The following ANKS1B variants were observed in gnomAD, a reference collection of about 807,000 sequenced individuals.
The protein encoded by ANKS1B is ankyrin repeat and sterile alpha motif domain-containing protein 1B.
In ANKS1B, 36 loss-of-function variants were observed where a neutral mutation model predicts 148.3. That is an observed-to-expected ratio of 0.24 (90% CI 0.19 to 0.32). The LOEUF is 0.32. ANKS1B is among the 10% of genes least tolerant of loss of function. The probability of loss-of-function intolerance (pLI) is 1.00; values close to 1 mark genes in which losing one functional copy is unlikely to be tolerated. For missense variants in ANKS1B, 1,157 were observed against 1,542.6 expected, an observed-to-expected ratio of 0.75 and a Z score of 4.19; for synonymous variants, 542 against 560.8, an observed-to-expected ratio of 0.97 and a Z score of 0.47.
Position 99,628,394 on chromosome 12 carries a change from T to TA in ANKS1B, c.1272+26672dup, listed in dbSNP as rs552146761. ...AAGAAATGTGTTTAAGTTAAACATC[T>TA]AAAAAAAATTTCTGTGAAATTTTGA... is the stretch of plus-strand genomic sequence containing the variant. On this transcript the variant is annotated intron_variant, in intron 9 of 26. Transcript: ENST00000683438. 3.3e-5 allele frequency among the ~76,000 whole-genome samples: 5 copies of TA among 152,176 alleles called. No individual in the cohort carries two copies. In the South Asian group the frequency reaches 1.0e-3, roughly 32 times the overall value.
chr12:99,438,163 A>G (rs1262763697), intron 11 of ANKS1B, among the ~76,000 whole-genome samples: 1 of 151,898 alleles, frequency 6.6e-6, no homozygotes, highest in Non-Finnish European at 1.5e-5. Flanking sequence ...TCTAAAGTAC[A>G]TGTGAGGAAA....
intron 8 of ANKS1B, among the ~76,000 whole-genome samples, chr12:99,685,600 A>G (rs2153491587): frequency 6.6e-6 from 1 of 152,288 alleles, no homozygotes; most frequent in East Asian, 1.9e-4. Context: ...GTGAAAAAGA[A>G]GTCATTATAT....
At chr12:99,021,118 A>G (rs987623255) in intron 17 of ANKS1B, among the ~76,000 whole-genome samples, 7 of 152,116 alleles carry the variant, frequency 4.6e-5, no homozygotes, top group Admixed American at 4.6e-4. Context: ...TGAAGGTAAG[A>G]AACGGTAAGA....
chr12:98,931,900 C>A (rs1403705574), intron 17 of ANKS1B, among the ~76,000 whole-genome samples: 2 of 152,138 alleles, frequency 1.3e-5, no homozygotes, highest in African/African-American at 4.8e-5. Flanking sequence ...ATTATACTTA[C>A]TCAGAGCCTT....
chr12:98,880,492 C>A (rs1386837597), intron 17 of ANKS1B, among the ~76,000 whole-genome samples: 2 of 152,042 alleles, frequency 1.3e-5, no homozygotes, highest in Non-Finnish European at 2.9e-5. Flanking sequence ...TCTGGCCGGG[C>A]ACGGTGGCTC....
intron 4 of ANKS1B, among the ~76,000 whole-genome samples, chr12:99,798,406 T>C (rs2153653260): frequency 7.2e-6 from 1 of 139,806 alleles, no homozygotes; most frequent in Admixed American, 7.5e-5. Context: ...CTTAGCCACG[T>C]GGGCACCTCT....
At chr12:99,709,457 G>T (rs970074181) in intron 8 of ANKS1B, among the ~76,000 whole-genome samples, 12 of 152,052 alleles carry the variant, frequency 7.9e-5, no homozygotes, top group Admixed American at 6.6e-4. Flanking sequence ...TATGTTTCAG[G>T]TACAGAGTTA....
intron 15 of ANKS1B, among the ~76,000 whole-genome samples, chr12:99,114,231 ATTGT>A (rs1288153207): frequency 6.6e-6 from 1 of 152,210 alleles, no homozygotes; most frequent in Non-Finnish European, 1.5e-5. Flanking sequence ...GTCTATGATG[ATTGT>A]TTAACCATGG....
At chr12:99,391,673 G>C (rs2094076243) in intron 12 of ANKS1B, among the ~76,000 whole-genome samples, 2 of 152,294 alleles carry the variant, frequency 1.3e-5, no homozygotes, top group East Asian at 3.9e-4. Context: ...CCATGCACTA[G>C]CTAACTAACA....
At chr12:99,960,720 T>C (rs1387817610) in intron 1 of ANKS1B, among the ~76,000 whole-genome samples, 1 of 152,194 alleles carries the variant, frequency 6.6e-6, no homozygotes, top group Non-Finnish European at 1.5e-5. Context: ...CCAAATGGGT[T>C]CCTCGCTAAT....
intron 15 of ANKS1B, among the ~76,000 whole-genome samples, chr12:99,116,457 A>G (rs2061444159): frequency 6.6e-6 from 1 of 152,326 alleles, no homozygotes; most frequent in South Asian, 2.1e-4. Context: ...ATTAACTAGT[A>G]CATATAAGGC....
intron 9 of ANKS1B, among the ~76,000 whole-genome samples, chr12:99,620,639 C>T (rs2098036271): frequency 6.6e-6 from 1 of 151,942 alleles, no homozygotes; most frequent in Non-Finnish European, 1.5e-5. Context: ...TTGACTCGAC[C>T]AAGCTGAAGA....
Position 99,937,015 on chromosome 12 carries a change from G to C in ANKS1B, c.134+47089C>G, listed in dbSNP as rs149814514. ...TTATGTTTCTGGACAACCACATATGGATACAGTATGGGACATCCCTTAACC... is the reference window on the plus strand; with the variant it reads ...TTATGTTTCTGGACAACCACATATGCATACAGTATGGGACATCCCTTAACC... On this transcript the variant is annotated intron_variant, in intron 1 of 26. Coordinates refer to ENST00000683438, the MANE Select transcript of ANKS1B (RefSeq NM_001352186.2). Among the ~76,000 whole-genome samples the C allele has an allele frequency of 3.4e-3, 516 of 152,208 alleles. 3 individuals carry two copies. The highest frequency in any genetic ancestry group is 0.011 in the African/African-American group (458 of 41,530).
intron 1 of ANKS1B, among the ~76,000 whole-genome samples, chr12:99,867,199 C>T (rs2090874720): frequency 6.6e-6 from 1 of 152,120 alleles, no homozygotes; most frequent in East Asian, 1.9e-4. Flanking sequence ...TGCTATTCTT[C>T]ATCCTTTCCC....
At chr12:99,378,307 A>AT (rs2093475641) in intron 12 of ANKS1B, among the ~76,000 whole-genome samples, 1 of 152,150 alleles carries the variant, frequency 6.6e-6, no homozygotes, top group East Asian at 1.9e-4. Context: ...ACCCAATGAG[A>AT]TTCATAGAAA....
intron 8 of ANKS1B, among the ~76,000 whole-genome samples, chr12:99,740,948 G>C (rs2060040214): frequency 6.6e-6 from 1 of 152,058 alleles, no homozygotes; most frequent in Non-Finnish European, 1.5e-5. Context: ...CAGGGCCCTG[G>C]GTTTCAAGCA....
At chr12:99,022,297 G>C (rs557417980) in intron 17 of ANKS1B, among the ~76,000 whole-genome samples, 3 of 152,304 alleles carry the variant, frequency 2.0e-5, no homozygotes, top group African/African-American at 7.2e-5. Flanking sequence ...AGGATCTAAA[G>C]GGGGTCACAG....
intron 17 of ANKS1B, among the ~76,000 whole-genome samples, chr12:98,931,353 G>A (rs1327080431): frequency 2.6e-5 from 4 of 152,080 alleles, no homozygotes; most frequent in Admixed American, 2.6e-4. Flanking sequence ...ACCTGAAAAT[G>A]TATTTAGTAT....
At chr12:99,440,943 C>T (rs1395386218) in intron 11 of ANKS1B, among the ~76,000 whole-genome samples, 5 of 151,744 alleles carry the variant, frequency 3.3e-5, no homozygotes, top group African/African-American at 4.8e-5. Flanking sequence ...TCAGTCTTCC[C>T]ACAATAAAAG....
Sources: allele counts gnomAD v4.1 joint callset (sites outside exome capture counted in the v4.1 genomes callset), GRCh38; gene constraint gnomAD v4.1.1; transcripts MANE v1.5; gene names NCBI Gene and HGNC (gene_info 2026-07-23, HGNC 2026-07-21).